LHX6: variants seen among roughly 807,000 people sequenced by gnomAD.
LHX6 encodes LIM/homeobox protein Lhx6.
LHX6 carries 15 observed loss-of-function variants against 47.1 expected under a neutral mutation model. The observed-to-expected ratio is 0.32, with a 90% CI of 0.21 to 0.49. The LOEUF (loss-of-function observed/expected upper bound fraction) is 0.49. Ranked by LOEUF, LHX6 falls within the 20% of genes least tolerant of loss-of-function variation. The pLI, the probability that LHX6 is intolerant of heterozygous loss-of-function variation, is 0.99. For missense variants in LHX6, 404 were observed against 539.6 expected, an observed-to-expected ratio of 0.75 and a Z score of 2.49; for synonymous variants, 242 against 233.5, an observed-to-expected ratio of 1.04 and a Z score of -0.33.
At position 122,213,176 on chromosome 9, in the gene LHX6, C is replaced by T. The variant is rs1830455778; in HGVS notation, c.1054+430G>A. On this transcript the variant is annotated intron_variant, in intron 8 of 9. Transcript: ENST00000394319. The surrounding 1 kb of genome is among the most constrained non-coding windows in gnomAD (Gnocchi z 5.5). ...GAAAGGCAGCCCAGCCCCTTCCCTT[C>T]CACCCCGCAGCATCTCCAGTCACTC... Among the ~76,000 whole-genome samples the T allele has an allele frequency of 6.6e-6, 1 of 152,044 alleles. No individual in the cohort carries two copies. Among genetic ancestry groups the T allele is most frequent in the African/African-American group, 2.4e-5 (1 of 41,394 alleles).
chr9:122,219,364 G>A (rs1312234787), intron 4 of LHX6, among the ~76,000 whole-genome samples: 2 of 152,202 alleles, frequency 1.3e-5, no homozygotes, highest in African/African-American at 2.4e-5. Flanking sequence ...TCCGGACCTC[G>A]GAAACGCGGC....
rs1240348602 is a variant in LHX6, at chr9:122,209,614, C to T, written c.1158G>A (p.Lys386=). ...MDGPLSNRGE[K]VILFQY Reference sequence around the variant, plus strand: ...CCAGACCCAACCTGGCTCCATTTACCTTCTCACCCCGGTTGGAGAGCGGCC... The same window carrying T: ...CCAGACCCAACCTGGCTCCATTTACTTTCTCACCCCGGTTGGAGAGCGGCC... Residue 386 remains lysine, a splice_region_variant and synonymous_variant, in exon 9 of 10, where the codon AAG becomes AAA. Transcript: ENST00000394319. The T allele has an allele frequency of 6.2e-7, 1 of 1,612,392 alleles. No homozygotes were observed. Among genetic ancestry groups the T allele is most frequent in the African/African-American group, 1.3e-5 (1 of 74,876 alleles).
intron 9 of LHX6, among the ~76,000 whole-genome samples, chr9:122,205,286 G>A (rs988426625): frequency 2.0e-5 from 3 of 152,200 alleles, no homozygotes; most frequent in Non-Finnish European, 4.4e-5. Context: ...CAAGGTCACC[G>A]TGACCATAGT....
rs186086050 is a variant in LHX6 at position 122,207,940 on chromosome 9, G to A, written c.1158+1674C>T. Among the ~76,000 whole-genome samples the A allele has an allele frequency of 7.4e-3, 1,119 of 152,208 alleles. 11 individuals are homozygous for A. The highest frequency in any genetic ancestry group is 0.011 in the Admixed American group (166 of 15,292). ...GTGATTCCGAGCACACCAAGACCGGGATCTGCTGAACTGGAGGGCTCCTGA... is the reference window on the plus strand; with the variant it reads ...GTGATTCCGAGCACACCAAGACCGGAATCTGCTGAACTGGAGGGCTCCTGA... On this transcript the variant is annotated intron_variant, in intron 9 of 9. Transcript: ENST00000394319.
rs546749513 is a variant in LHX6, at chr9:122,226,471, C to T, written c.366G>A (p.Arg122=). The T allele has an allele frequency of 1.2e-6, 2 of 1,613,544 alleles. No homozygotes were observed. The highest frequency in any genetic ancestry group is 1.3e-5 in the African/African-American group (1 of 75,038). ...LKVNNLIWHV[R]CLECSVCRTS... ...TGCGACACACGGAGCACTCGAGGCA[C>T]CGCACGTGCCAGATGAGGTTGTTGA... The change falls in exon 4 of 10, where the codon CGG becomes CGA. Residue 122 remains arginine (R), a synonymous_variant. Transcript: ENST00000394319. This position sits in a 1 kb window ranked among gnomAD's most constrained non-coding sequence, Gnocchi z 6.5.
intron 8 of LHX6, 136 bp from the exon 9 acceptor site, chr9:122,209,853 G>A (rs1467679216): frequency 1.0e-5 from 6 of 589,292 alleles, no homozygotes; most frequent in African/African-American, 1.9e-5. Flanking sequence ...CCCTGGGCAA[G>A]GTTTCAGTAG....
chr9:122,220,047 C>T (rs900169078), intron 4 of LHX6, among the ~76,000 whole-genome samples: 8 of 152,350 alleles, frequency 5.3e-5, no homozygotes, highest in African/African-American at 1.9e-4. Flanking sequence ...GCCTTCTGTG[C>T]GCTTGGCTCG....
chr9:122,228,105 C>A (rs1831186529), intron 1 of LHX6: 2 of 530,458 alleles, frequency 3.8e-6, no homozygotes, highest in South Asian at 2.1e-5. Context: ...GCGGTGAGCA[C>A]CCGCCCGCCC....
At position 122,217,204 on chromosome 9, in the gene LHX6, G is replaced by A. The variant is rs767665614; in HGVS notation, c.546C>T (p.His182=). The A allele has an allele frequency of 1.9e-6, 3 of 1,614,084 alleles. No homozygotes were observed. The highest frequency in any genetic ancestry group is 1.7e-5 in the Admixed American group (1 of 60,014). The change falls in exon 5 of 10, where the codon CAC becomes CAT. Residue 182 remains histidine (H), a synonymous_variant. Coordinates refer to ENST00000394319, the MANE Select transcript of LHX6 (RefSeq NM_014368.5). This position sits in a 1 kb window ranked among gnomAD's most constrained non-coding sequence, Gnocchi z 4.9. ...ACGAGAAGCAGGCGAAGCAGGCCAG[G>A]TGGTAGGCGTTGCCGCGAGCTCTCC... is the stretch of plus-strand genomic sequence containing the variant. ...WVRRARGNAY[H]LACFACFSCK...
chr9:122,214,284 T>C lies in LHX6; in HGVS notation c.782A>G (p.Gln261Arg). Residue 261 changes from glutamine (Q) to arginine (R), a missense_variant and splice_region_variant, in exon 6 of 10, where the codon CAG becomes CGG. Physicochemically the swap from Gln to Arg is conservative, Grantham distance 43. Transcript: ENST00000394319. The surrounding 1 kb of genome is among the most constrained non-coding windows in gnomAD (Gnocchi z 4.6). The part of the protein sequence containing the change: ...ARTSFTAEQL[Q>R]VMQAQFAQDN... ...GCCGCCCACTGCTTGCAGCGGTACC[T>C]GCAGCTGTTCCGCGGTGAAGGACGT... The C allele has an allele frequency of 6.3e-7, 1 of 1,592,914 alleles. No homozygotes were observed. The highest frequency in any genetic ancestry group is 1.7e-5 in the Admixed American group (1 of 58,472).
At position 122,217,452 on chromosome 9, in the gene LHX6, C is replaced by T. The variant is rs1417084991; in HGVS notation, c.462-164G>A. Among the ~76,000 whole-genome samples, 5 of 152,224 alleles carry T rather than the reference C, an allele frequency of 3.3e-5. No individual in the cohort carries two copies. Among genetic ancestry groups the T allele is most frequent in the Non-Finnish European group, 5.9e-5 (4 of 68,038 alleles). ...CAACAACACTCTACACCTAGTCCCA[C>T]CTAGGAGATGAACTGGTGGGTGATT... On this transcript the variant is annotated intron_variant, in intron 4 of 9. Coordinates refer to ENST00000394319, the MANE Select transcript of LHX6 (RefSeq NM_014368.5). The surrounding 1 kb of genome is among the most constrained non-coding windows in gnomAD (Gnocchi z 4.9).
rs1250557019 is a variant in LHX6 at position 122,213,849 on chromosome 9, G to A, written c.880-69C>T. The A allele has an allele frequency of 1.3e-6, 2 of 1,534,350 alleles. No individual in the cohort carries two copies. Among genetic ancestry groups the A allele is most frequent in the Non-Finnish European group, 1.8e-6 (2 of 1,137,400 alleles). ...CGGACGCGCCGCCGGGAGACCCCAG[G>A]CGGGACTGCCTCGTCGCCTCCTGGA... On this transcript the variant is annotated intron_variant, in intron 7 of 9. Transcript: ENST00000394319. This position sits in a 1 kb window ranked among gnomAD's most constrained non-coding sequence, Gnocchi z 5.5.
At position 122,214,244 on chromosome 9, in the gene LHX6, C is replaced by G; in HGVS notation, c.783+39G>C. 6.6e-7 allele frequency: 1 copy of G among 1,525,172 alleles called. No individual in the cohort carries two copies. The highest frequency in any genetic ancestry group is 8.8e-7 in the Non-Finnish European group (1 of 1,140,458). 94.5% of individuals were successfully genotyped at this position (1,525,172 alleles called of 1,614,324 possible). The stretch of plus-strand genomic sequence containing the variant: ...ATTGTCGGCCCCGCCCACTTTCGGC[C>G]CGGCCCCCGCCCCCGCCGCCCACTG... On this transcript the variant is annotated intron_variant, in intron 6 of 9. Transcript: ENST00000394319. This position sits in a 1 kb window ranked among gnomAD's most constrained non-coding sequence, Gnocchi z 4.6.
In LHX6 at chr9:122,228,948, A is replaced by C. The variant is rs1487576832; in HGVS notation, c.-208T>G. The C allele has an allele frequency of 2.8e-5, 5 of 180,352 alleles. No individual in the cohort carries two copies. Among genetic ancestry groups the C allele is most frequent in the Non-Finnish European group, 5.7e-5 (5 of 87,708 alleles). 11.2% of individuals were successfully genotyped at this position (180,352 alleles called of 1,614,324 possible). ...CTGCTGCCGCCGCTGCCTCGGAAGA[A>C]GGTCCCGACAAACTTGGAGAGGCCC... On this transcript the variant is annotated 5_prime_UTR_variant, in exon 1 of 10. Coordinates refer to ENST00000394319, the MANE Select transcript of LHX6 (RefSeq NM_014368.5).
chr9:122,213,961 A>ACCCCCCCCC lies in LHX6; in HGVS notation c.879+12_879+13insGGGGGGGGG. ...TGCCCGCGGTCCCCAGGCCCCGCCC[A>ACCCCCCCCC]CCCCCGTCCCACCTGGATGACTCTC... On this transcript the variant is annotated intron_variant, in intron 7 of 9. Coordinates refer to ENST00000394319, the MANE Select transcript of LHX6 (RefSeq NM_014368.5). This position sits in a 1 kb window ranked among gnomAD's most constrained non-coding sequence, Gnocchi z 5.5. 1.5e-6 allele frequency: 1 copy of ACCCCCCCCC among 686,872 alleles called. No homozygotes were observed. 42.5% of individuals were successfully genotyped at this position (686,872 alleles called of 1,614,324 possible). A position where few individuals can be genotyped will look rare whatever the true frequency, so the allele number is the denominator to read the frequency against.
Position 122,203,297 on chromosome 9 carries a change from A to G in LHX6, c.*1463T>C, listed in dbSNP as rs766944339. On this transcript the variant is annotated 3_prime_UTR_variant, in exon 10 of 10. Transcript: ENST00000394319. ...CCAGACTCAGTGAAATAGAGCTGCC[A>G]TTGATTAGCAATGTCTGCCATGGGT... 1.3e-5 allele frequency: 2 copies of G among 152,604 alleles called. No individual in the cohort carries two copies. Among genetic ancestry groups the G allele is most frequent in the Non-Finnish European group, 2.9e-5 (2 of 68,046 alleles). The allele number at this position is 152,604 out of a possible 1,614,324, so 9.5% of individuals were successfully genotyped here. A position where few individuals can be genotyped will look rare whatever the true frequency, so the allele number is the denominator to read the frequency against.
intron 4 of LHX6, among the ~76,000 whole-genome samples, chr9:122,224,307 G>A (rs1253066177): frequency 6.6e-6 from 1 of 152,092 alleles, no homozygotes; most frequent in Non-Finnish European, 1.5e-5. Flanking sequence ...TTATAGGTGT[G>A]AGCCACCACA....
Position 122,213,952 on chromosome 9 carries a change from G to GCCCCCCCCCCCC in LHX6, c.879+21_879+22insGGGGGGGGGGGG. ...TCCGGGGCGTGCCCGCGGTCCCCAGGCCCCGCCCACCCCCGTCCCACCTGG... is the reference window on the plus strand; with the variant it reads ...TCCGGGGCGTGCCCGCGGTCCCCAGGCCCCCCCCCCCCCCCCGCCCACCCCCGTCCCACCTGG... On this transcript the variant is annotated intron_variant, in intron 7 of 9. Transcript: ENST00000394319. This position sits in a 1 kb window ranked among gnomAD's most constrained non-coding sequence, Gnocchi z 5.5. 2.1e-6 allele frequency: 3 copies of GCCCCCCCCCCCC among 1,461,944 alleles called. No individual in the cohort carries two copies. The highest frequency in any genetic ancestry group is 1.9e-4 in the Middle Eastern group (1 of 5,334). 90.6% of individuals were successfully genotyped at this position (1,461,944 alleles called of 1,614,324 possible).
Position 122,214,529 on chromosome 9 carries a change from G to T in LHX6, c.683-146C>A. 1.7e-6 allele frequency: 2 copies of T among 1,197,300 alleles called. No homozygotes were observed. The highest frequency in any genetic ancestry group is 1.1e-6 in the Non-Finnish European group (1 of 906,244). 74.2% of individuals were successfully genotyped at this position (1,197,300 alleles called of 1,614,324 possible). A position where few individuals can be genotyped will look rare whatever the true frequency, so the allele number is the denominator to read the frequency against. ...GGGATCCCAGGGTCCTAGTCCCTGA[G>T]CTCAGTCTTTGGGGAAGGGGTTTCT... On this transcript the variant is annotated intron_variant, in intron 5 of 9. Transcript: ENST00000394319. The surrounding 1 kb of genome is among the most constrained non-coding windows in gnomAD (Gnocchi z 4.6).
Sources: gnomAD v4.1 joint callset for allele counts (sites outside exome capture counted in the v4.1 genomes callset) on GRCh38, gnomAD v4.1.1 for gene constraint, Gnocchi (gnomAD v3.1) non-coding constraint, MANE v1.5 for transcripts, NCBI Gene and HGNC (gene_info 2026-07-23, HGNC 2026-07-21) for gene names.